CCAR2: variants seen among roughly 807,000 people sequenced by gnomAD.
CCAR2 encodes cell cycle and apoptosis regulator protein 2.
In CCAR2, 21 loss-of-function variants were observed where a neutral mutation model predicts 108.1. The observed-to-expected ratio is 0.19, with a 90% CI of 0.14 to 0.28. CCAR2 has a LOEUF of 0.28. Among genes scored for constraint, CCAR2 ranks in the 10% least tolerant of loss-of-function variants. CCAR2 has a pLI of 1.00. For synonymous variants in CCAR2, 577 were observed against 472.8 expected (o/e 1.22, Z -2.86); for missense variants, 1,126 against 1,177.0 (o/e 0.96, Z 0.63).
Position 22,615,733 on chromosome 8 carries a change from A to ACTT in CCAR2, c.1432_1434dup (p.Ser478dup), listed in dbSNP as rs1801476879. 1 of 1,613,634 alleles carries ACTT rather than the reference A, an allele frequency of 6.2e-7. No homozygotes were observed. Among genetic ancestry groups the ACTT allele is most frequent in the Non-Finnish European group, 8.5e-7 (1 of 1,180,008 alleles). On this transcript the variant is annotated inframe_insertion, in exon 13 of 21. Coordinates refer to ENST00000308511, the MANE Select transcript of CCAR2 (RefSeq NM_001393997.1). ...TGATGCCTTGGAGCAAGCAGCAGACACTTCTAGACGGAACGCAGAAACTCC... is the reference window on the plus strand; with the variant it reads ...TGATGCCTTGGAGCAAGCAGCAGACACTTCTTCTAGACGGAACGCAGAAACTCC...
At chr8:22,616,730 C>T (rs1425327804) in intron 14 of CCAR2, 2 of 164,406 alleles carry the variant, frequency 1.2e-5, no homozygotes, top group Admixed American at 5.5e-5. Flanking sequence ...GCAGGAGAAT[C>T]GCTTGAACCC....
Position 22,614,897 on chromosome 8 carries a change from C to T in CCAR2, c.1101C>T (p.Ser367=), listed in dbSNP as rs1376534361. 2 of 1,613,928 alleles carry T rather than the reference C, an allele frequency of 1.2e-6. No homozygotes were observed. Among genetic ancestry groups the T allele is most frequent in the Non-Finnish European group, 1.7e-6 (2 of 1,180,008 alleles). The change falls in exon 11 of 21, where the codon TCC becomes TCT. Residue 367 remains serine, a synonymous_variant. Coordinates refer to ENST00000308511, the MANE Select transcript of CCAR2 (RefSeq NM_001393997.1). ...TGGTTGGGGGTGAATGGTCTCCTTC[C>T]CTGGATGGCCTCGACCCCCAGGCTG... ...AVLVGGEWSP[S]LDGLDPQADP... is the part of the protein sequence containing the mutation.
At chr8:22,610,573 T>C (rs906732714) in intron 7 of CCAR2, among the ~76,000 whole-genome samples, 2 of 152,242 alleles carry the variant, frequency 1.3e-5, no homozygotes, top group Non-Finnish European at 2.9e-5. Flanking sequence ...TCAAAGTGGC[T>C]TTGGCATGGG....
In CCAR2 at chr8:22,619,971, G is replaced by T. The variant is rs1031411110; in HGVS notation, c.*289G>T. 12 of 473,692 alleles carry T rather than the reference G, an allele frequency of 2.5e-5. No individual in the cohort carries two copies. Among genetic ancestry groups the T allele is most frequent in the African/African-American group, 2.1e-4 (11 of 51,176 alleles). 29.3% of individuals were successfully genotyped at this position (473,692 alleles called of 1,614,324 possible). ...TGGTATTTCTCCTGGGGCCCTTTTA[G>T]TCTTGTGCTGACTTTCTCCTGTCCT... On this transcript the variant is annotated 3_prime_UTR_variant, in exon 21 of 21. Transcript: ENST00000308511.
Position 22,615,759 on chromosome 8 carries a change from A to T in CCAR2, c.1455A>T (p.Pro485=). The change falls in exon 13 of 21, where the codon CCA becomes CCT. Residue 485 remains proline (P), a synonymous_variant. Transcript: ENST00000308511. The part of the protein sequence containing the change: ...ADTSRRNAET[P]EATTQQETDT... ...CTTCTAGACGGAACGCAGAAACTCCAGAGGCCACCACACAGCAGGAAACGG... is the reference window on the plus strand; with the variant it reads ...CTTCTAGACGGAACGCAGAAACTCCTGAGGCCACCACACAGCAGGAAACGG... The T allele has an allele frequency of 6.2e-7, 1 of 1,613,926 alleles. No individual in the cohort carries two copies. The highest frequency in any genetic ancestry group is 8.5e-7 in the Non-Finnish European group (1 of 1,180,020).
chr8:22,614,399 C>T lies in CCAR2; in HGVS notation c.937C>T (p.Leu313Phe). The change falls in exon 10 of 21, where the codon CTC (leucine) becomes TTC (phenylalanine). Residue 313 changes from leucine (L) to phenylalanine (F), a missense_variant. This residue lies in a region of CCAR2 where 1,013 missense variants were observed against 993.9 expected (regional missense o/e 1.02). Coordinates refer to ENST00000308511, the MANE Select transcript of CCAR2 (RefSeq NM_001393997.1). ...DPAYSSKVLLLSSPGLEELYR... is the reference protein window; with the variant it reads ...DPAYSSKVLLFSSPGLEELYR... ...GTCTCCTCCTGCACAGGTACTGCTG[C>T]TCTCTTCCCCGGGGTTGGAGGAATT... 6.2e-7 allele frequency: 1 copy of T among 1,614,184 alleles called. No individual in the cohort carries two copies. The highest frequency in any genetic ancestry group is 8.5e-7 in the Non-Finnish European group (1 of 1,180,032).
At chr8:22,611,317 C>A (rs1451231550) in intron 7 of CCAR2, among the ~76,000 whole-genome samples, 1 of 148,720 alleles carries the variant, frequency 6.7e-6, no homozygotes, top group African/African-American at 2.5e-5. Flanking sequence ...GCTGAGATCA[C>A]GCCACTGCAT....
intron 7 of CCAR2, 39 bp downstream of exon 7, chr8:22,608,104 C>A (rs996461902): frequency 2.1e-6 from 3 of 1,416,006 alleles, no homozygotes; most frequent in Non-Finnish European, 3.0e-6. Flanking sequence ...CACTTGTTGA[C>A]ACTAACATTC....
At chr8:22,607,364 G>A (rs536994047) in intron 6 of CCAR2, 39 bp downstream of exon 6, 1 of 1,602,392 alleles carries the variant, frequency 6.2e-7, no homozygotes, top group Non-Finnish European at 8.5e-7. Flanking sequence ...GTGGCATTAT[G>A]GGGTAGTTTA....
At chr8:22,612,174 C>T (rs533977623) in intron 7 of CCAR2, among the ~76,000 whole-genome samples, 15 of 151,838 alleles carry the variant, frequency 9.9e-5, no homozygotes, top group African/African-American at 1.5e-4. Context: ...CTTGAACTCC[C>T]GACCTCAAGT....
Position 22,619,656 on chromosome 8 carries a change from AAGG to A in CCAR2, c.2752_2754del (p.Glu918del), listed in dbSNP as rs760016162. The stretch of plus-strand genomic sequence containing the variant: ...CAAACAGGCTGACAGCTGGGTGGAG[AAGG>A]AGGAGCCGGCACCTAGCAACTGACG... On this transcript the variant is annotated inframe_deletion, in exon 21 of 21. Coordinates refer to ENST00000308511, the MANE Select transcript of CCAR2 (RefSeq NM_001393997.1). 8 of 1,575,582 alleles carry A rather than the reference AAGG, an allele frequency of 5.1e-6. No homozygotes were observed. Among genetic ancestry groups the A allele is most frequent in the South Asian group, 1.2e-5 (1 of 86,016 alleles).
chr8:22,606,161 T>C lies in CCAR2; in HGVS notation c.135T>C (p.Asn45=), dbSNP rs1435658614. Reference sequence around the variant, plus strand: ...CTGTGGCCACAGAACTGTCCCAGAATGCCAGGCACCTTCAGGTAGGTTCGG... The same window carrying C: ...CTGTGGCCACAGAACTGTCCCAGAACGCCAGGCACCTTCAGGTAGGTTCGG... ...TPPVATELSQ[N]ARHLQGGEKQ... The change falls in exon 3 of 21, where the codon AAT becomes AAC. Residue 45 remains asparagine, a synonymous_variant. Coordinates refer to ENST00000308511, the MANE Select transcript of CCAR2 (RefSeq NM_001393997.1). The C allele has an allele frequency of 1.2e-6, 2 of 1,614,062 alleles. No homozygotes were observed. The highest frequency in any genetic ancestry group is 8.5e-7 in the Non-Finnish European group (1 of 1,179,862).
chr8:22,611,318 G>A (rs1312470408), intron 7 of CCAR2, among the ~76,000 whole-genome samples: 10 of 145,634 alleles, frequency 6.9e-5, no homozygotes, highest in African/African-American at 2.1e-4. Flanking sequence ...CTGAGATCAC[G>A]CCACTGCATT....
chr8:22,615,156 T>TGC, intron 11 of CCAR2, 155 bp downstream of exon 11: 3 of 1,089,130 alleles, frequency 2.8e-6, no homozygotes, highest in Non-Finnish European at 3.8e-6. Flanking sequence ...GTGGGGTGTA[T>TGC]GCCAAAATCT....
downstream of CCAR2, chr8:22,620,539 C>T (rs945767664): frequency 1.3e-5 from 2 of 152,128 alleles, no homozygotes; most frequent in African/African-American, 4.8e-5. Context: ...CCACCCAGCG[C>T]CTCTGCTGGA....
At position 22,607,949 on chromosome 8, in the gene CCAR2, CA is replaced by C. The variant is rs767445580; in HGVS notation, c.488-19del. 6.8e-6 allele frequency: 11 copies of C among 1,610,204 alleles called. No individual in the cohort carries two copies. In the Admixed American group the frequency reaches 1.5e-4, roughly 22 times the overall value. On this transcript the variant is annotated intron_variant, in intron 6 of 20. Transcript: ENST00000308511. Reference sequence around the variant, plus strand: ...CCGGTTTTTAGGGTTTTTGAGTCACCAGTCATTTCCTTTCTGCAGCTCTGAG... The same window carrying C: ...CCGGTTTTTAGGGTTTTTGAGTCACCGTCATTTCCTTTCTGCAGCTCTGAG...
At chr8:22,612,303 C>T (rs989317453) in intron 7 of CCAR2, among the ~76,000 whole-genome samples, 1 of 148,396 alleles carries the variant, frequency 6.7e-6, no homozygotes, top group Admixed American at 6.8e-5. Flanking sequence ...GAGTCTTGCT[C>T]TGTCACCAGG....
In CCAR2 at chr8:22,617,560, G is replaced by C; in HGVS notation, c.1986G>C (p.Glu662Asp). Reference protein sequence around the residue: ...LLLLRDDGEEEFAGAKLEDSE... With the variant: ...LLLLRDDGEEDFAGAKLEDSE... ...TTCTGAGGGATGATGGAGAGGAGGA[G>C]TTTGGTATGTTGAGTGGTGAGAGGG... Residue 662 changes from glutamate (E) to aspartate (D), a missense_variant, in exon 15 of 21, where the codon GAG (glutamate) becomes GAC (aspartate). Physicochemically the swap from Glu to Asp is conservative, Grantham distance 45 (BLOSUM62 2). This residue lies in a region of CCAR2 where 1,013 missense variants were observed against 993.9 expected (regional missense o/e 1.02). Transcript: ENST00000308511. 6.3e-7 allele frequency: 1 copy of C among 1,599,476 alleles called. No homozygotes were observed. Among genetic ancestry groups the C allele is most frequent in the South Asian group, 1.1e-5 (1 of 89,208 alleles).
In CCAR2 at chr8:22,618,511, T is replaced by C; in HGVS notation, c.2220+16T>C. 2 of 1,614,190 alleles carry C rather than the reference T, an allele frequency of 1.2e-6. No homozygotes were observed. The highest frequency in any genetic ancestry group is 1.7e-6 in the Non-Finnish European group (2 of 1,180,038). The stretch of plus-strand genomic sequence containing the variant: ...TGCAGAGCAGGTACCTTCTTTCCTC[T>C]GCCCCAGCACATGGGCACAGGCCTG... On this transcript the variant is annotated intron_variant, in intron 17 of 20. Coordinates refer to ENST00000308511, the MANE Select transcript of CCAR2 (RefSeq NM_001393997.1).
Sources: gnomAD v4.1 joint callset for allele counts (sites outside exome capture counted in the v4.1 genomes callset) on GRCh38, gnomAD v4.1.1 for gene constraint, gnomAD v4.1.1 regional missense constraint, MANE v1.5 for transcripts, NCBI Gene and HGNC (gene_info 2026-07-23, HGNC 2026-07-21) for gene names.